The following IMMP2L variants were observed in gnomAD, a reference collection of about 807,000 sequenced individuals.
The protein encoded by IMMP2L is mitochondrial inner membrane protease subunit 2.
Under a neutral mutation model 19.3 loss-of-function variants are expected in IMMP2L, and 18 were observed. The observed-to-expected ratio is 0.93, with a 90% confidence interval of 0.64 to 1.38. The LOEUF is 1.38. Among genes scored for constraint, IMMP2L ranks in the 40% most tolerant of loss-of-function variants. The probability of loss-of-function intolerance (pLI) is 0.00; values close to 1 mark genes in which losing one functional copy is unlikely to be tolerated. For missense variants in IMMP2L, 233 were observed against 218.2 expected, an observed-to-expected ratio of 1.07 and a Z score of -0.43; for synonymous variants, 76 against 73.0, an observed-to-expected ratio of 1.04 and a Z score of -0.21.
intron 1 of IMMP2L, among the ~76,000 whole-genome samples, chr7:111,558,523 A>C (rs1791642661): frequency 6.6e-6 from 1 of 152,230 alleles, no homozygotes; most frequent in Non-Finnish European, 1.5e-5. Flanking sequence ...TAGATGAGGA[A>C]TTTGTGTCCA....
At chr7:110,913,544 G>A (rs1404823679) in intron 4 of IMMP2L, among the ~76,000 whole-genome samples, 4 of 152,034 alleles carry the variant, frequency 2.6e-5, no homozygotes, top group Non-Finnish European at 5.9e-5. Flanking sequence ...ATACACAGAC[G>A]AGCAACAGGT....
chr7:111,333,999 C>A (rs1467338218), intron 3 of IMMP2L, among the ~76,000 whole-genome samples: 5 of 151,954 alleles, frequency 3.3e-5, no homozygotes, highest in African/African-American at 1.2e-4. Context: ...TAGAAAAAAA[C>A]CTTTTCTTAA....
chr7:110,746,004 C>A (rs1217930003), intron 5 of IMMP2L, among the ~76,000 whole-genome samples: 2 of 151,914 alleles, frequency 1.3e-5, no homozygotes, highest in Admixed American at 6.6e-5. Flanking sequence ...ATTCAGGAGA[C>A]CCATCTCACA....
chr7:111,430,048 T>C (rs926099242), intron 3 of IMMP2L, among the ~76,000 whole-genome samples: 2 of 151,888 alleles, frequency 1.3e-5, no homozygotes, highest in African/African-American at 4.9e-5. Context: ...TATTGCCACA[T>C]GTATACAAAA....
At chr7:110,885,407 T>G (rs572281244) in intron 5 of IMMP2L, among the ~76,000 whole-genome samples, 2 of 151,638 alleles carry the variant, frequency 1.3e-5, no homozygotes, top group Non-Finnish European at 2.9e-5. Context: ...ATGTAATGAG[T>G]GAAGATCCAA....
rs183919478 is a variant in IMMP2L, at chr7:111,225,646, T to G, written c.239+261592A>C. Among the ~76,000 whole-genome samples the G allele has an allele frequency of 5.3e-3, 728 of 137,010 alleles. 8 individuals carry two copies. Among genetic ancestry groups the G allele is most frequent in the African/African-American group, 0.02 (702 of 35,938 alleles). 89.9% of individuals were successfully genotyped at this position (137,010 alleles called of 152,430 possible). ...TGTCACAATTATCCATCAAAAGTGC[T>G]ATAAAATACTCATCCCTTTTCCAGT... On this transcript the variant is annotated intron_variant, in intron 3 of 5. Coordinates refer to ENST00000405709, the MANE Select transcript of IMMP2L (RefSeq NM_032549.4).
chr7:111,336,392 T>C (rs1373784608), intron 3 of IMMP2L, among the ~76,000 whole-genome samples: 1 of 151,906 alleles, frequency 6.6e-6, no homozygotes, highest in Non-Finnish European at 1.5e-5. Context: ...AATAAAAATA[T>C]TATGTGTTTA....
chr7:110,864,709 T>A (rs1733875596), intron 5 of IMMP2L, among the ~76,000 whole-genome samples: 1 of 152,104 alleles, frequency 6.6e-6, no homozygotes, highest in Non-Finnish European at 1.5e-5. Context: ...CTTACCTGTG[T>A]ATTGCCATAT....
At chr7:110,933,807 G>A (rs1815769299) in intron 4 of IMMP2L, among the ~76,000 whole-genome samples, 1 of 152,054 alleles carries the variant, frequency 6.6e-6, no homozygotes, top group Non-Finnish European at 1.5e-5. Context: ...TATTAATGAT[G>A]AAAACAAACA....
intron 3 of IMMP2L, among the ~76,000 whole-genome samples, chr7:111,257,930 C>T (rs1401911253): frequency 6.6e-6 from 1 of 151,908 alleles, no homozygotes; most frequent in East Asian, 1.9e-4. Flanking sequence ...ATCCCTCCCC[C>T]AGCCCCCCAG....
At chr7:111,379,963 G>A (rs1289977115) in intron 3 of IMMP2L, among the ~76,000 whole-genome samples, 1 of 151,864 alleles carries the variant, frequency 6.6e-6, no homozygotes, top group Non-Finnish European at 1.5e-5. Context: ...AGCCAATTCA[G>A]TATTATGAAC....
chr7:110,674,331 G>A (rs1355223237), intron 5 of IMMP2L, among the ~76,000 whole-genome samples: 1 of 152,106 alleles, frequency 6.6e-6, no homozygotes, highest in Non-Finnish European at 1.5e-5. Context: ...TGACACATGG[G>A]GATTATGGGA....
intron 3 of IMMP2L, among the ~76,000 whole-genome samples, chr7:111,418,852 T>C (rs1245820036): frequency 6.6e-6 from 1 of 151,892 alleles, no homozygotes; most frequent in Non-Finnish European, 1.5e-5. Context: ...CATACAAATA[T>C]AAAAATGCCC....
At chr7:110,779,713 C>T (rs1443172639) in intron 5 of IMMP2L, among the ~76,000 whole-genome samples, 1 of 151,780 alleles carries the variant, frequency 6.6e-6, no homozygotes, top group Non-Finnish European at 1.5e-5. Context: ...GGCCCTAGGA[C>T]ACCGCAGCAT....
chr7:111,087,357 G>A (rs1361417572), intron 3 of IMMP2L, among the ~76,000 whole-genome samples: 1 of 151,094 alleles, frequency 6.6e-6, no homozygotes, highest in Admixed American at 6.6e-5. Context: ...GCTGAGGCAG[G>A]AGAATCACTT....
intron 5 of IMMP2L, among the ~76,000 whole-genome samples, chr7:110,825,505 T>C (rs1017267860): frequency 1.3e-5 from 2 of 151,972 alleles, no homozygotes; most frequent in Non-Finnish European, 2.9e-5. Context: ...ATCAGTGGAA[T>C]AGAACAGAGC....
At chr7:111,496,696 G>C (rs914891650) in intron 2 of IMMP2L, among the ~76,000 whole-genome samples, 4 of 152,176 alleles carry the variant, frequency 2.6e-5, no homozygotes, top group Non-Finnish European at 5.9e-5. Flanking sequence ...TCTGGGACTT[G>C]AACCAGCAGC....
At position 110,870,994 on chromosome 7, in the gene IMMP2L, A is replaced by G. The variant is rs1428918869; in HGVS notation, c.408+15599T>C. 2.0e-5 allele frequency among the ~76,000 whole-genome samples: 3 copies of G among 152,072 alleles called. No individual in the cohort carries two copies. Among genetic ancestry groups the G allele is most frequent in the Non-Finnish European group, 4.4e-5 (3 of 67,990 alleles). On this transcript the variant is annotated intron_variant, in intron 5 of 5. Transcript: ENST00000405709. This position sits in a 1 kb window ranked among gnomAD's most constrained non-coding sequence, Gnocchi z 4.2. ...AGTTAGGAGGCCCCTGATGACCTGA[A>G]TCAGTGAGGCAGCAGTAGAGATGGA...
At chr7:111,496,862 A>G in intron 2 of IMMP2L, among the ~76,000 whole-genome samples, 1 of 151,968 alleles carries the variant, frequency 6.6e-6, no homozygotes, top group East Asian at 1.9e-4. Flanking sequence ...CACATGACCC[A>G]ATTCCCCTAA....
Sources: allele counts gnomAD v4.1 joint callset (sites outside exome capture counted in the v4.1 genomes callset), GRCh38; gene constraint gnomAD v4.1.1; non-coding constraint Gnocchi (gnomAD v3.1); transcripts MANE v1.5; gene names NCBI Gene and HGNC (gene_info 2026-07-23, HGNC 2026-07-21).